The following RNF130 variants were observed in gnomAD, a reference collection of about 807,000 sequenced individuals.
RNF130 encodes the protein E3 ubiquitin-protein ligase RNF130.
RNF130 carries 21 observed loss-of-function variants against 44.6 expected under a neutral mutation model. That is an observed-to-expected ratio of 0.47 (90% CI 0.33 to 0.68). The LOEUF (loss-of-function observed/expected upper bound fraction) is 0.68. RNF130 is among the 30% of genes least tolerant of loss of function. The pLI, the probability that RNF130 is intolerant of heterozygous loss-of-function variation, is 0.02. For synonymous variants in RNF130, 214 were observed against 210.4 expected (o/e 1.02, Z -0.15); for missense variants, 479 against 560.6 (o/e 0.85, Z 1.47).
intron 2 of RNF130, among the ~76,000 whole-genome samples, chr5:180,021,127 G>A (rs909982177): frequency 4.0e-5 from 6 of 151,892 alleles, no homozygotes; most frequent in Admixed American, 6.6e-5. Context: ...CACCAAACCC[G>A]GCTCATTTTT....
intron 8 of RNF130, 89 bp from the exon 9 acceptor site, chr5:179,955,758 C>G: frequency 9.3e-7 from 1 of 1,070,612 alleles, no homozygotes; most frequent in South Asian, 1.7e-5. Context: ...TGAAGGGTGG[C>G]CTGGCTGTCC....
At chr5:179,982,648 T>A (rs1191727147) in intron 3 of RNF130, among the ~76,000 whole-genome samples, 1 of 152,202 alleles carries the variant, frequency 6.6e-6, no homozygotes, top group Non-Finnish European at 1.5e-5. Flanking sequence ...CAAACACGGC[T>A]CACTGTAGCC....
In RNF130 at chr5:179,966,739, C is replaced by T. The variant is rs150275155; in HGVS notation, c.1150+67G>A. ...AGGCTGAGGCGAGTGCCTTGACTCT[C>T]CTGATGGTCCCGAATGCCCACATAG... On this transcript the variant is annotated intron_variant, in intron 7 of 8. Coordinates refer to ENST00000521389, the MANE Select transcript of RNF130 (RefSeq NM_018434.6). 10,244 of 1,443,700 alleles carry T rather than the reference C, an allele frequency of 7.1e-3. 102 individuals are homozygous for T. Among genetic ancestry groups the T allele is most frequent in the Middle Eastern group, 0.031 (174 of 5,654 alleles). 89.4% of individuals were successfully genotyped at this position (1,443,700 alleles called of 1,614,324 possible). A position where few individuals can be genotyped will look rare whatever the true frequency, so the allele number is the denominator to read the frequency against.
intron 3 of RNF130, among the ~76,000 whole-genome samples, chr5:180,001,405 C>G (rs757625701): frequency 2.6e-5 from 4 of 152,124 alleles, no homozygotes; most frequent in Non-Finnish European, 4.4e-5. Flanking sequence ...ATTTGTGGCA[C>G]CTGTGGCAAA....
At chr5:179,914,483 G>A (rs1256292112) in exon 8 of RNF130, 1 of 152,218 alleles carries the variant, frequency 6.6e-6, no homozygotes, top group East Asian at 1.9e-4. Context: ...GTGTCCCCAG[G>A]GCTTTATCCC....
chr5:179,943,971 GA>G (rs933100148), intron 7 of RNF130, among the ~76,000 whole-genome samples: 1 of 151,620 alleles, frequency 6.6e-6, no homozygotes, highest in African/African-American at 2.4e-5. Flanking sequence ...TTATTTCTGA[GA>G]AATTTTTTTT....
chr5:179,992,536 TCTTA>T (rs1763109019), intron 3 of RNF130, among the ~76,000 whole-genome samples: 1 of 152,214 alleles, frequency 6.6e-6, no homozygotes, highest in South Asian at 2.1e-4. Context: ...AAAAAACTTA[TCTTA>T]CTTGACATTT....
At chr5:179,997,811 T>A (rs1380057686) in intron 3 of RNF130, among the ~76,000 whole-genome samples, 3 of 151,932 alleles carry the variant, frequency 2.0e-5, no homozygotes, top group Non-Finnish European at 4.4e-5. Flanking sequence ...CTTCATTATT[T>A]TTTTTTGCTT....
In RNF130 at chr5:179,924,155, G is replaced by A. The variant is rs1013541254; in HGVS notation, c.1151-3729C>T. Among the ~76,000 whole-genome samples the A allele has an allele frequency of 4.0e-5, 6 of 151,290 alleles. No homozygotes were observed. In the South Asian group the frequency reaches 6.3e-4, roughly 16 times the overall value. ...AGCCCGGGAGTTCAAGTCCAGCCTG[G>A]GCAACACAGTGAGACCCTGTCCCTA... On this transcript the variant is annotated intron_variant, in intron 7 of 7. Transcript: ENST00000522208.
At chr5:180,009,993 A>C (rs1335285735) in intron 3 of RNF130, among the ~76,000 whole-genome samples, 2 of 152,184 alleles carry the variant, frequency 1.3e-5, no homozygotes, top group African/African-American at 2.4e-5. Flanking sequence ...CACGCCTGTA[A>C]TCCCAGCACT....
intron 2 of RNF130, among the ~76,000 whole-genome samples, chr5:180,036,552 T>G (rs1022697176): frequency 4.6e-5 from 7 of 152,216 alleles, no homozygotes; most frequent in Non-Finnish European, 8.8e-5. Context: ...ACCTGAAGTC[T>G]AGAAGTTTTT....
At chr5:179,985,587 T>A (rs1762936358) in intron 3 of RNF130, among the ~76,000 whole-genome samples, 1 of 152,120 alleles carries the variant, frequency 6.6e-6, no homozygotes, top group African/African-American at 2.4e-5. Flanking sequence ...GGCAAGGTAC[T>A]TCCTAATTTC....
chr5:180,065,769 A>T (rs1444313222), intron 1 of RNF130, among the ~76,000 whole-genome samples: 3 of 150,040 alleles, frequency 2.0e-5, no homozygotes, highest in Non-Finnish European at 4.5e-5. Context: ...CAAAAAAAAA[A>T]AAACAACTAT....
chr5:180,041,594 G>A (rs923168196), intron 1 of RNF130, among the ~76,000 whole-genome samples: 51 of 152,186 alleles, frequency 3.4e-4, no homozygotes, highest in African/African-American at 1.2e-3. Context: ...TCAAATGAGA[G>A]AGAAGGGCAG....
intron 2 of RNF130, 124 bp from the exon 3 acceptor site, chr5:180,013,435 A>C (rs776869467): frequency 4.9e-6 from 4 of 810,394 alleles, no homozygotes; most frequent in South Asian, 1.9e-5. Context: ...TGCAAACTCC[A>C]CTTCTCAACT....
chr5:179,984,009 A>G (rs1004715229), intron 3 of RNF130, among the ~76,000 whole-genome samples: 1 of 152,184 alleles, frequency 6.6e-6, no homozygotes, highest in Non-Finnish European at 1.5e-5. Context: ...TCAGCCTCAC[A>G]AGTAGCTGGA....
chr5:179,959,002 A>G (rs1160171574), intron 8 of RNF130, among the ~76,000 whole-genome samples: 1 of 152,150 alleles, frequency 6.6e-6, no homozygotes, highest in Non-Finnish European at 1.5e-5. Flanking sequence ...TCTTATATCA[A>G]GTGGAAATCT....
At chr5:179,937,185 A>ATGAAATAT (rs1761902444) in intron 7 of RNF130, among the ~76,000 whole-genome samples, 1 of 152,188 alleles carries the variant, frequency 6.6e-6, no homozygotes, top group African/African-American at 2.4e-5. Context: ...TATCATCAAA[A>ATGAAATAT]CGAAATATCA....
chr5:180,058,485 C>T (rs1764889636), intron 1 of RNF130, among the ~76,000 whole-genome samples: 1 of 152,170 alleles, frequency 6.6e-6, no homozygotes, highest in African/African-American at 2.4e-5. Flanking sequence ...TTCATAGAGA[C>T]AGAAAGTAGA....
Sources: gnomAD v4.1 joint callset for allele counts (sites outside exome capture counted in the v4.1 genomes callset) on GRCh38, gnomAD v4.1.1 for gene constraint, MANE v1.5 for transcripts, NCBI Gene and HGNC (gene_info 2026-07-23, HGNC 2026-07-21) for gene names.